STK32B: variants seen among roughly 807,000 people sequenced by gnomAD.
STK32B encodes serine/threonine kinase 32B.
A neutral mutation model predicts 52.6 loss-of-function variants in STK32B; 43 were observed. The observed-to-expected ratio is 0.82, with a 90% CI of 0.64 to 1.05. STK32B has a LOEUF of 1.05. STK32B is among the 50% of genes least tolerant of loss of function. The probability of loss-of-function intolerance (pLI) is 0.00; values close to 1 mark genes in which losing one functional copy is unlikely to be tolerated. For synonymous variants in STK32B, 238 were observed against 204.3 expected (o/e 1.17, Z -1.41); for missense variants, 621 against 534.6 (o/e 1.16, Z -1.59).
intron 3 of STK32B, among the ~76,000 whole-genome samples, chr4:5,255,032 C>G (rs749564676): frequency 6.6e-6 from 1 of 151,006 alleles, no homozygotes; most frequent in East Asian, 1.9e-4. Context: ...GGGTATTTCA[C>G]AATGATTAAA....
At chr4:5,459,763 C>T (rs1183890122) in intron 8 of STK32B, among the ~76,000 whole-genome samples, 1 of 152,160 alleles carries the variant, frequency 6.6e-6, no homozygotes, top group Non-Finnish European at 1.5e-5. Context: ...GCAGCTAATT[C>T]TTTCTATTTG....
chr4:5,142,444 A>G (rs917707286), intron 2 of STK32B, among the ~76,000 whole-genome samples: 2 of 152,212 alleles, frequency 1.3e-5, no homozygotes, highest in East Asian at 3.8e-4. Context: ...TTTCTACACA[A>G]TCCAGACTTC....
rs538238649 is a variant in STK32B at position 5,411,109 on chromosome 4, C to A, written c.473-5736C>A. Among the ~76,000 whole-genome samples, 9 of 151,194 alleles carry A rather than the reference C, an allele frequency of 6.0e-5. No homozygotes were observed. The East Asian group carries it at 9.8e-4, about 16-fold the overall frequency. ...GGAGTGCAGTGGTGCTATCTCAGCT[C>A]ACTGCAAGCTCCGTTTCCTGGGTTC... On this transcript the variant is annotated intron_variant, in intron 5 of 11. Transcript: ENST00000282908.
chr4:5,207,361 A>G (rs986872450), intron 3 of STK32B, among the ~76,000 whole-genome samples: 1 of 152,196 alleles, frequency 6.6e-6, no homozygotes, highest in Non-Finnish European at 1.5e-5. Context: ...GTGATAGCGA[A>G]TAAGTTTCAT....
At chr4:5,412,345 ACATC>A (rs1711764949) in intron 5 of STK32B, among the ~76,000 whole-genome samples, 2 of 152,162 alleles carry the variant, frequency 1.3e-5, no homozygotes, top group African/African-American at 4.8e-5. Context: ...TCACTTTCCT[ACATC>A]TTCGGTTGCC....
chr4:5,173,915 C>G (rs1719602089), intron 3 of STK32B, among the ~76,000 whole-genome samples: 3 of 152,106 alleles, frequency 2.0e-5, no homozygotes, highest in Non-Finnish European at 4.4e-5. Flanking sequence ...GTTAAAGTCT[C>G]CTATTATTAT....
the STK32B span, among the ~76,000 whole-genome samples, chr4:5,041,506 A>C: frequency 1.3e-5 from 2 of 152,180 alleles, no homozygotes; most frequent in East Asian, 3.9e-4. Context: ...TAAGAACAAG[A>C]AGCTCAGAAT....
chr4:5,062,544 T>G (rs1742256253), intron 1 of STK32B, among the ~76,000 whole-genome samples: 1 of 152,200 alleles, frequency 6.6e-6, no homozygotes, highest in African/African-American at 2.4e-5. Flanking sequence ...TCTTGCACTG[T>G]CGCCCAGGCT....
chr4:5,242,101 A>G (rs974387397), intron 3 of STK32B, among the ~76,000 whole-genome samples: 3 of 151,950 alleles, frequency 2.0e-5, no homozygotes, highest in African/African-American at 7.3e-5. Flanking sequence ...CAGTAATGGG[A>G]TGGCTGGGTC....
At chr4:5,025,197 G>C in the STK32B span, among the ~76,000 whole-genome samples, 702 of 152,136 alleles carry the variant, frequency 4.6e-3, 6 homozygotes, top group African/African-American at 0.016. Flanking sequence ...CTCCCCCTCC[G>C]CCGTGGTCCA....
At chr4:5,248,527 A>C (rs118166005) in intron 3 of STK32B, among the ~76,000 whole-genome samples, 1 of 152,174 alleles carries the variant, frequency 6.6e-6, no homozygotes, top group Non-Finnish European at 1.5e-5. Flanking sequence ...ATGTTAGTCA[A>C]ATTTGACACC....
chr4:5,106,562 T>G (rs1423716352), intron 1 of STK32B, among the ~76,000 whole-genome samples: 3 of 152,200 alleles, frequency 2.0e-5, no homozygotes, highest in African/African-American at 4.8e-5. Context: ...ATAAAATAAA[T>G]AATAGTTACT....
intron 3 of STK32B, among the ~76,000 whole-genome samples, chr4:5,326,861 C>A (rs755733352): frequency 6.6e-6 from 1 of 152,190 alleles, no homozygotes; most frequent in East Asian, 1.9e-4. Flanking sequence ...AAATATTTCT[C>A]TATAGCAAGT....
At chr4:5,310,412 C>A (rs994801005) in intron 3 of STK32B, among the ~76,000 whole-genome samples, 2 of 152,048 alleles carry the variant, frequency 1.3e-5, no homozygotes, top group African/African-American at 4.8e-5. Flanking sequence ...AGAAGTCATA[C>A]AAATGGCAAA....
chr4:5,201,971 C>T (rs1321640864), intron 3 of STK32B, among the ~76,000 whole-genome samples: 1 of 152,184 alleles, frequency 6.6e-6, no homozygotes, highest in Non-Finnish European at 1.5e-5. Flanking sequence ...CATTTCAAAA[C>T]ACAATCACGC....
intron 6 of STK32B, among the ~76,000 whole-genome samples, chr4:5,424,228 G>GT (rs1376617820): frequency 1.3e-5 from 2 of 152,172 alleles, no homozygotes; most frequent in African/African-American, 2.4e-5. Context: ...GGTGCTGAGG[G>GT]TGGCTCAGAA....
intron 4 of STK32B, among the ~76,000 whole-genome samples, chr4:5,363,240 C>G (rs997122765): frequency 6.6e-6 from 1 of 152,198 alleles, no homozygotes; most frequent in African/African-American, 2.4e-5. Context: ...GATGTTTCAA[C>G]AGTTTGAATT....
At chr4:5,481,938 G>A (rs1378600922) in intron 11 of STK32B, among the ~76,000 whole-genome samples, 1 of 152,038 alleles carries the variant, frequency 6.6e-6, no homozygotes, top group Admixed American at 6.6e-5. Context: ...TGTTCCATTG[G>A]TCTGTATCTC....
At position 5,460,916 on chromosome 4, in the gene STK32B, C is replaced by G. The variant is rs779504868; in HGVS notation, c.909+688C>G. ...GGTCAAAGTTTTAGGTTTTGTCCCCCAGAAACTGGAGTGTTTAAGGCAGGG... is the reference window on the plus strand; with the variant it reads ...GGTCAAAGTTTTAGGTTTTGTCCCCGAGAAACTGGAGTGTTTAAGGCAGGG... On this transcript the variant is annotated intron_variant, in intron 9 of 11. Transcript: ENST00000282908. This position sits in a 1 kb window ranked among gnomAD's most constrained non-coding sequence, Gnocchi z 4.8. Among the ~76,000 whole-genome samples, 7 of 152,178 alleles carry G rather than the reference C, an allele frequency of 4.6e-5. No individual in the cohort carries two copies. Among genetic ancestry groups the G allele is most frequent in the Admixed American group, 1.3e-4 (2 of 15,288 alleles).
Sources: gnomAD v4.1 joint callset for allele counts (sites outside exome capture counted in the v4.1 genomes callset) on GRCh38, gnomAD v4.1.1 for gene constraint, Gnocchi (gnomAD v3.1) non-coding constraint, MANE v1.5 for transcripts, NCBI Gene and HGNC (gene_info 2026-07-23, HGNC 2026-07-21) for gene names.